Variants in CELSR2 observed in about 807,000 individuals in gnomAD.
CELSR2 encodes cadherin EGF LAG seven-pass G-type receptor 2, also known as EGF-like protein 2.
In CELSR2, 81 loss-of-function variants were observed where a neutral mutation model predicts 251.6. The observed-to-expected ratio is 0.32, with a 90% confidence interval of 0.27 to 0.39. The LOEUF (loss-of-function observed/expected upper bound fraction) is 0.39, where lower values mean the gene tolerates loss of function less well. Among genes scored for constraint, CELSR2 ranks in the 10% least tolerant of loss-of-function variants. The probability of loss-of-function intolerance (pLI) is 1.00; values close to 1 mark genes in which losing one functional copy is unlikely to be tolerated. For synonymous variants in CELSR2, 1,721 were observed against 1,670.5 expected, an observed-to-expected ratio of 1.03 and a Z score of -0.74; for missense variants, 3,365 against 3,947.7, an observed-to-expected ratio of 0.85 and a Z score of 3.96.
chr1:109,267,636 G>A lies in CELSR2; in HGVS notation c.6102G>A (p.Lys2034=). 1 of 1,614,164 alleles carries A rather than the reference G, an allele frequency of 6.2e-7. No individual in the cohort carries two copies. Among genetic ancestry groups the A allele is most frequent in the Non-Finnish European group, 8.5e-7 (1 of 1,180,010 alleles). The part of the protein sequence containing the change: ...NCTSITFSEL[K]GFAERLQRNE... ...CGTCCATCACCTTCTCAGAACTGAAGGGCTTCGTAAGTGAACCCCCTCATC... is the reference window on the plus strand; with the variant it reads ...CGTCCATCACCTTCTCAGAACTGAAAGGCTTCGTAAGTGAACCCCCTCATC... Residue 2034 remains lysine (K), a synonymous_variant, in exon 16 of 34, where the codon AAG becomes AAA. Coordinates refer to ENST00000271332, the MANE Select transcript of CELSR2 (RefSeq NM_001408.3).
Position 109,250,958 on chromosome 1 carries a change from G to A in CELSR2, c.879G>A (p.Glu293=). The change falls in exon 1 of 34, where the codon GAG becomes GAA. Residue 293 remains glutamate, a synonymous_variant. Coordinates refer to ENST00000271332, the MANE Select transcript of CELSR2 (RefSeq NM_001408.3). This position sits in a 1 kb window ranked among gnomAD's most constrained non-coding sequence, Gnocchi z 4.4. ...NDHDPVFEQQ[E]YKESLRENLE... is the part of the protein sequence containing the mutation. ...ATGACCCTGTGTTCGAGCAGCAGGAGTACAAGGAGAGCCTCAGGGAGAACC... is the reference window on the plus strand; with the variant it reads ...ATGACCCTGTGTTCGAGCAGCAGGAATACAAGGAGAGCCTCAGGGAGAACC... 1.2e-6 allele frequency: 2 copies of A among 1,613,714 alleles called. No individual in the cohort carries two copies. The highest frequency in any genetic ancestry group is 1.7e-6 in the Non-Finnish European group (2 of 1,180,026).
At position 109,269,780 on chromosome 1, in the gene CELSR2, T is replaced by C; in HGVS notation, c.7067T>C (p.Met2356Thr). ...CACGTCAGCTGCCAGTGCAACCACATGACGAGCTTCGCTGTGCTCATGGAC... is the reference window on the plus strand; with the variant it reads ...CACGTCAGCTGCCAGTGCAACCACACGACGAGCTTCGCTGTGCTCATGGAC... ...ESHVSCQCNH[M>T]TSFAVLMDVS... Residue 2356 changes from methionine to threonine, a missense_variant, in exon 22 of 34, where the codon ATG becomes ACG. Around this residue, in one of 5 missense-constraint regions of CELSR2, gnomAD observed 2,093 missense variants for 2,382.8 expected, o/e 0.88. Coordinates refer to ENST00000271332, the MANE Select transcript of CELSR2 (RefSeq NM_001408.3). This position sits in a 1 kb window ranked among gnomAD's most constrained non-coding sequence, Gnocchi z 6.4. 2 of 1,613,566 alleles carry C rather than the reference T, an allele frequency of 1.2e-6. No homozygotes were observed. The highest frequency in any genetic ancestry group is 1.7e-6 in the Non-Finnish European group (2 of 1,179,990).
In CELSR2 at chr1:109,267,956, A is replaced by G; in HGVS notation, c.6214A>G (p.Ser2072Gly). 1.2e-6 allele frequency: 2 copies of G among 1,611,730 alleles called. No individual in the cohort carries two copies. Among genetic ancestry groups the G allele is most frequent in the Non-Finnish European group, 1.7e-6 (2 of 1,179,822 alleles). Reference protein sequence around the residue: ...ATQHTAGYFGSDVKVAYQLAT... With the variant: ...ATQHTAGYFGGDVKVAYQLAT... ...GCAGCACACAGCTGGCTACTTCGGC[A>G]GCGACGTCAAGGTGGCCTACCAGCT... Residue 2072 changes from serine (S) to glycine (G), a missense_variant, in exon 17 of 34, where the codon AGC becomes GGC. Physicochemically the swap from Ser to Gly is moderately conservative, Grantham distance 56 (BLOSUM62 0). Transcript: ENST00000271332.
Position 109,266,034 on chromosome 1 carries a change from A to G in CELSR2, c.5912-71A>G, listed in dbSNP as rs1656177441. 2.5e-6 allele frequency: 4 copies of G among 1,593,408 alleles called. No individual in the cohort carries two copies. In the Admixed American group the frequency reaches 6.8e-5, roughly 27 times the overall value. ...TGGGGAGGCCTGGGGAGGCCTAGGG[A>G]GGGCTGGGGAGCCTGGGCAGGACAG... On this transcript the variant is annotated intron_variant, in intron 14 of 33. Coordinates refer to ENST00000271332, the MANE Select transcript of CELSR2 (RefSeq NM_001408.3).
chr1:109,253,178 TGTCACCAATCGC>T lies in CELSR2; in HGVS notation c.3100_3111del (p.Val1034_Arg1037del). On this transcript the variant is annotated inframe_deletion, in exon 1 of 34. Transcript: ENST00000271332. ...ACTTTGAGATCCTTTTCAACAACTA[TGTCACCAATCGC>T]TCAAGCAGCTTCCCTGGGGGTGCCA... The T allele has an allele frequency of 6.2e-7, 1 of 1,613,714 alleles. No homozygotes were observed. Among genetic ancestry groups the T allele is most frequent in the Non-Finnish European group, 8.5e-7 (1 of 1,180,038 alleles).
intron 9 of CELSR2, 50 bp from the exon 10 acceptor site, chr1:109,264,027 AC>A (rs1557733023): frequency 6.6e-7 from 1 of 1,525,928 alleles, no homozygotes; most frequent in Non-Finnish European, 8.8e-7. Flanking sequence ...GAGCTGGAGA[AC>A]AGTGATTAAG....
At chr1:109,273,369 C>G (rs12046776) in intron 32 of CELSR2, 33 bp downstream of exon 32, 1 of 1,607,146 alleles carries the variant, frequency 6.2e-7, no homozygotes. Flanking sequence ...CCGAGCTCCC[C>G]TAGTCAGCAG....
At position 109,275,443 on chromosome 1, in the gene CELSR2, G is replaced by A. The variant is rs1656504901; in HGVS notation, c.*1394G>A. On this transcript the variant is annotated 3_prime_UTR_variant, in exon 34 of 34. Coordinates refer to ENST00000271332, the MANE Select transcript of CELSR2 (RefSeq NM_001408.3). ...GTCACTGACTTTCCTTCTGGAGCAGGTGGCTAGAAAAAGAGGCTGTGGGCA... is the reference window on the plus strand; with the variant it reads ...GTCACTGACTTTCCTTCTGGAGCAGATGGCTAGAAAAAGAGGCTGTGGGCA... 2 of 152,196 alleles carry A rather than the reference G, an allele frequency of 1.3e-5. No homozygotes were observed. Among genetic ancestry groups the A allele is most frequent in the Admixed American group, 6.5e-5 (1 of 15,282 alleles). The allele number at this position is 152,196 out of a possible 1,614,324, so 9.4% of individuals were successfully genotyped here. A position where few individuals can be genotyped will look rare whatever the true frequency, so the allele number is the denominator to read the frequency against.
Position 109,261,025 on chromosome 1 carries a change from C to A in CELSR2, c.3959-17C>A. ...TCCTCAGGTACTTGGTACTCACCTGCCTTTCCTCTTGTCCAGGTGAGCACT... is the reference window on the plus strand; with the variant it reads ...TCCTCAGGTACTTGGTACTCACCTGACTTTCCTCTTGTCCAGGTGAGCACT... On this transcript the variant is annotated splice_polypyrimidine_tract_variant and intron_variant, in intron 2 of 33. Transcript: ENST00000271332. This position sits in a 1 kb window ranked among gnomAD's most constrained non-coding sequence, Gnocchi z 4.8. The A allele has an allele frequency of 6.3e-7, 1 of 1,589,560 alleles. No individual in the cohort carries two copies. The highest frequency in any genetic ancestry group is 8.6e-7 in the Non-Finnish European group (1 of 1,162,696).
At position 109,258,580 on chromosome 1, in the gene CELSR2, G is replaced by A. The variant is rs1281773249; in HGVS notation, c.3459G>A (p.Val1153=). 1 of 1,600,434 alleles carries A rather than the reference G, an allele frequency of 6.2e-7. No homozygotes were observed. The highest frequency in any genetic ancestry group is 1.1e-5 in the South Asian group (1 of 88,918). Residue 1153 remains valine, a synonymous_variant, in exon 2 of 34, where the codon GTG becomes GTA. Transcript: ENST00000271332. ...TGCTAGGCCTCTTCATCCAGGCGGT[G>A]GCCGCCACGCTGGCCACGCCACCGG... ...SPLLGLFIQA[V]AATLATPPDH... is the part of the protein sequence containing the mutation.
Position 109,270,452 on chromosome 1 carries a change from G to T in CELSR2, c.7335G>T (p.Leu2445=), listed in dbSNP as rs149958673. 4.0e-5 allele frequency: 65 copies of T among 1,614,098 alleles called. No homozygotes were observed. The highest frequency in any genetic ancestry group is 3.3e-4 in the Middle Eastern group (2 of 6,084). The change falls in exon 24 of 34, where the codon CTG becomes CTT. Residue 2445 remains leucine, a synonymous_variant. Transcript: ENST00000271332. ...TTGCCTGCACAGTCATTGCCATCCTGCTGCACTTCCTGTACCTCTGCACCT... is the reference window on the plus strand; with the variant it reads ...TTGCCTGCACAGTCATTGCCATCCTTCTGCACTTCCTGTACCTCTGCACCT... ...LPFACTVIAI[L]LHFLYLCTFS... is the part of the protein sequence containing the mutation.
Position 109,261,652 on chromosome 1 carries a change from T to C in CELSR2, c.4297+24T>C. On this transcript the variant is annotated intron_variant, in intron 4 of 33. Transcript: ENST00000271332. The surrounding 1 kb of genome is among the most constrained non-coding windows in gnomAD (Gnocchi z 4.8). ...AGGTGATCACAGTTGCCCCCCATCC[T>C]TGCCCATCTTCCAAAGGCCCCAAGT... 6.2e-7 allele frequency: 1 copy of C among 1,600,124 alleles called. No homozygotes were observed. Among genetic ancestry groups the C allele is most frequent in the Non-Finnish European group, 8.6e-7 (1 of 1,167,270 alleles).
chr1:109,263,538 A>G (rs1570785494), intron 8 of CELSR2, 73 bp from the exon 9 acceptor site: 7 of 1,564,878 alleles, frequency 4.5e-6, no homozygotes, highest in Non-Finnish European at 5.2e-6. Flanking sequence ...TGCAGCCGCC[A>G]CCGCTGAGCA....
chr1:109,252,671 T>C lies in CELSR2; in HGVS notation c.2592T>C (p.Phe864=), dbSNP rs1655730037. ...GAGGCGACGATGGAGACGGTGACTT[T>C]ATTGTTGAGTCCACGTCAGGCATCG... ...FQGGDDGDGD[F]IVESTSGIVR... The change falls in exon 1 of 34, where the codon TTT becomes TTC. Residue 864 remains phenylalanine, a synonymous_variant. Coordinates refer to ENST00000271332, the MANE Select transcript of CELSR2 (RefSeq NM_001408.3). This position sits in a 1 kb window ranked among gnomAD's most constrained non-coding sequence, Gnocchi z 4.8. 2 of 1,613,778 alleles carry C rather than the reference T, an allele frequency of 1.2e-6. No individual in the cohort carries two copies.
Position 109,272,874 on chromosome 1 carries a change from G to A in CELSR2, c.8185G>A (p.Asp2729Asn). The A allele has an allele frequency of 2.5e-6, 4 of 1,613,990 alleles. No homozygotes were observed. Among genetic ancestry groups the A allele is most frequent in the Non-Finnish European group, 3.4e-6 (4 of 1,179,966 alleles). Residue 2729 changes from aspartate to asparagine, a missense_variant, in exon 31 of 34, where the codon GAC (aspartate) becomes AAC (asparagine). By Grantham distance (23) the Asp-to-Asn change is conservative. Transcript: ENST00000271332. ...DSDSDLSLED[D>N]QSGSYASTHS... ...CGACAGTGACCTGTCCTTAGAAGAC[G>A]ACCAGAGTGGCTCCTATGCCTCTAC...
chr1:109,251,957 C>T lies in CELSR2; in HGVS notation c.1878C>T (p.Gly626=), dbSNP rs1655704757. 8 of 1,614,140 alleles carry T rather than the reference C, an allele frequency of 5.0e-6. No individual in the cohort carries two copies. Among genetic ancestry groups the T allele is most frequent in the Non-Finnish European group, 6.8e-6 (8 of 1,180,038 alleles). The change falls in exon 1 of 34, where the codon GGC becomes GGT. Residue 626 remains glycine (G), a synonymous_variant. Transcript: ENST00000271332. This position sits in a 1 kb window ranked among gnomAD's most constrained non-coding sequence, Gnocchi z 4.9. ...GGCTCAATGAGGATGCAGCTGTGGG[C>T]ACCAGCGTGGTGACGGTGTCAGCTG... ...TVRLNEDAAV[G]TSVVTVSAVD...
Position 109,273,036 on chromosome 1 carries a change from G to C in CELSR2, c.8338+9G>C, listed in dbSNP as rs1444350350. On this transcript the variant is annotated intron_variant, in intron 31 of 33. Coordinates refer to ENST00000271332, the MANE Select transcript of CELSR2 (RefSeq NM_001408.3). ...GCACAGTACTCCCAAGGGTGGGCCA[G>C]CACTGGGGCTGTGGCCTTTGGGGCC... is the stretch of plus-strand genomic sequence containing the variant. 2 of 1,605,518 alleles carry C rather than the reference G, an allele frequency of 1.2e-6. No individual in the cohort carries two copies. The highest frequency in any genetic ancestry group is 1.7e-6 in the Non-Finnish European group (2 of 1,174,942).
At chr1:109,265,345 C>G (rs1378764630) in intron 13 of CELSR2, 34 bp downstream of exon 13, 1 of 1,570,328 alleles carries the variant, frequency 6.4e-7, no homozygotes, top group Non-Finnish European at 8.6e-7. Flanking sequence ...ACTGTGGCCA[C>G]TTGGGCCTCT....
At chr1:109,262,580 C>T (rs1656048918) in intron 6 of CELSR2, 136 bp downstream of exon 6, 1 of 1,377,546 alleles carries the variant, frequency 7.3e-7, no homozygotes, top group Non-Finnish European at 9.7e-7. Flanking sequence ...GGGATGGGGT[C>T]AAGACTGGGG....
Sources: gnomAD v4.1 joint callset for allele counts on GRCh38, gnomAD v4.1.1 for gene constraint, gnomAD v4.1.1 regional missense constraint, Gnocchi (gnomAD v3.1) non-coding constraint, MANE v1.5 for transcripts, NCBI Gene and HGNC (gene_info 2026-07-23, HGNC 2026-07-21) for gene names.